The following SPSB1 variants were observed in gnomAD, a reference collection of about 807,000 sequenced individuals.
SPSB1 encodes the protein SPRY domain-containing SOCS box protein 1.
SPSB1 carries 8 observed loss-of-function variants against 21.2 expected under a neutral mutation model. The ratio of observed to expected loss-of-function variants is 0.38; its 90% CI spans 0.22 to 0.68. The LOEUF is 0.68. SPSB1 is among the 30% of genes least tolerant of loss of function. The pLI is 0.53. For synonymous variants in SPSB1, 169 were observed against 161.7 expected, an observed-to-expected ratio of 1.05 and a Z score of -0.34; for missense variants, 242 against 377.8, an observed-to-expected ratio of 0.64 and a Z score of 2.98.
intron 1 of SPSB1, among the ~76,000 whole-genome samples, chr1:9,337,826 T>C (rs1344044979): frequency 6.6e-6 from 1 of 152,176 alleles, no homozygotes; most frequent in Non-Finnish European, 1.5e-5. Context: ...GGACGCCCCA[T>C]GAAGCCAGGG....
intron 2 of SPSB1, among the ~76,000 whole-genome samples, chr1:9,362,064 C>T (rs902361680): frequency 6.6e-6 from 1 of 152,228 alleles, no homozygotes; most frequent in Non-Finnish European, 1.5e-5. Flanking sequence ...AAGGTCAGCT[C>T]GTCTCCTCAA....
At chr1:9,330,144 G>T (rs956485431) in intron 1 of SPSB1, among the ~76,000 whole-genome samples, 1 of 152,196 alleles carries the variant, frequency 6.6e-6, no homozygotes, top group Non-Finnish European at 1.5e-5. Flanking sequence ...TCATCGAGAA[G>T]AATCTGAATG....
intron 1 of SPSB1, among the ~76,000 whole-genome samples, chr1:9,351,280 A>G (rs556466469): frequency 6.6e-6 from 1 of 152,266 alleles, no homozygotes; most frequent in Non-Finnish European, 1.5e-5. Flanking sequence ...GCCCTAGCCC[A>G]GACTTCCAAG....
chr1:9,367,479 T>A lies in SPSB1; in HGVS notation c.726T>A (p.Arg242=). Residue 242 remains arginine, a synonymous_variant, in exon 3 of 3, where the codon CGT becomes CGA. Transcript: ENST00000328089. This position sits in a 1 kb window ranked among gnomAD's most constrained non-coding sequence, Gnocchi z 5.9. ...PEPLPLMDLC[R]RSVRLALGRE... ...CGCTGCCGCTCATGGATTTGTGCCG[T>A]CGCTCGGTGCGCCTGGCCCTGGGGA... 6.2e-7 allele frequency: 1 copy of A among 1,613,676 alleles called. No homozygotes were observed. Among genetic ancestry groups the A allele is most frequent in the Non-Finnish European group, 8.5e-7 (1 of 1,179,912 alleles).
intron 1 of SPSB1, among the ~76,000 whole-genome samples, chr1:9,340,590 G>A (rs551976282): frequency 5.6e-4 from 85 of 152,236 alleles, no homozygotes; most frequent in Non-Finnish European, 1.0e-3. Context: ...GAAACTCCAC[G>A]CCTGGCGGGA....
intron 1 of SPSB1, among the ~76,000 whole-genome samples, chr1:9,323,640 G>A (rs1054785819): frequency 6.6e-6 from 1 of 152,234 alleles, no homozygotes; most frequent in Middle Eastern, 3.2e-3. Context: ...TCCCTGCATG[G>A]AGATGGTCTT....
At position 9,299,259 on chromosome 1, in the gene SPSB1, C is replaced by T. The variant is rs541718402; in HGVS notation, c.-150+6188C>T. The stretch of plus-strand genomic sequence containing the variant: ...TGGTAAGGCCGGCAATGCCCCTTGG[C>T]GGTCTGGGCTGATGGGTATATCAGC... On this transcript the variant is annotated intron_variant, in intron 1 of 2. Coordinates refer to ENST00000328089, the MANE Select transcript of SPSB1 (RefSeq NM_025106.4). Among the ~76,000 whole-genome samples the T allele has an allele frequency of 2.0e-4, 31 of 152,324 alleles. 1 individual carries two copies. Among genetic ancestry groups the T allele is most frequent in the Non-Finnish European group, 8.8e-5 (6 of 68,028 alleles).
At chr1:9,349,323 G>A (rs1335911917) in intron 1 of SPSB1, among the ~76,000 whole-genome samples, 3 of 152,202 alleles carry the variant, frequency 2.0e-5, no homozygotes, top group Non-Finnish European at 2.9e-5. Context: ...CCACGTGCTC[G>A]ACTTTGATAT....
In SPSB1 at chr1:9,330,626, G is replaced by T. The variant is rs182667936; in HGVS notation, c.-149-25117G>T. ...ACGTTTGGGGGAGTATTTTGGGTTT[G>T]CCTGTCCTCTTCCTTTCCTCCCCTC... is the stretch of plus-strand genomic sequence containing the variant. On this transcript the variant is annotated intron_variant, in intron 1 of 2. Coordinates refer to ENST00000328089, the MANE Select transcript of SPSB1 (RefSeq NM_025106.4). 1.1e-4 allele frequency among the ~76,000 whole-genome samples: 17 copies of T among 152,008 alleles called. No homozygotes were observed. The East Asian group carries it at 3.3e-3, about 29-fold the overall frequency.
chr1:9,316,374 G>A (rs868207714), intron 1 of SPSB1, among the ~76,000 whole-genome samples: 1 of 152,182 alleles, frequency 6.6e-6, no homozygotes, highest in Non-Finnish European at 1.5e-5. Flanking sequence ...CACAAGGGAG[G>A]GGCATGTGTG....
intron 1 of SPSB1, among the ~76,000 whole-genome samples, chr1:9,338,333 C>T (rs560860011): frequency 9.1e-4 from 138 of 152,280 alleles, no homozygotes; most frequent in African/African-American, 2.7e-3. Context: ...GGAGGAGGTT[C>T]GTGACTGTAT....
chr1:9,302,448 G>A (rs558095660), intron 1 of SPSB1, among the ~76,000 whole-genome samples: 8 of 152,198 alleles, frequency 5.3e-5, no homozygotes, highest in Non-Finnish European at 1.0e-4. Context: ...ACTCAACTGG[G>A]TGGGGAGGAT....
At chr1:9,347,585 A>G in intron 1 of SPSB1, among the ~76,000 whole-genome samples, 1 of 152,204 alleles carries the variant, frequency 6.6e-6, no homozygotes, top group East Asian at 1.9e-4. Context: ...CGGCATCATG[A>G]TCTGCATATT....
chr1:9,351,186 G>A (rs546620077), intron 1 of SPSB1, among the ~76,000 whole-genome samples: 7 of 152,308 alleles, frequency 4.6e-5, no homozygotes, highest in South Asian at 2.1e-4. Flanking sequence ...CATATTGTCC[G>A]GAGAGCCTTA....
intron 2 of SPSB1, among the ~76,000 whole-genome samples, chr1:9,359,846 C>CGGG (rs1220143426): frequency 5.3e-5 from 2 of 37,458 alleles, no homozygotes; most frequent in African/African-American, 7.0e-5. Flanking sequence ...AGGATGGAAG[C>CGGG]CGGGGGGGTG....
In SPSB1 at chr1:9,292,932, C is replaced by G; in HGVS notation, c.-289C>G. ...GCTCGGGCAGCCTGCGCGCTCGCAG[C>G]AGGAACCAGGCTCCAGGCGCCGGCG... On this transcript the variant is annotated 5_prime_UTR_variant, in exon 1 of 3. Transcript: ENST00000328089. 9.5e-6 allele frequency: 9 copies of G among 952,100 alleles called. No individual in the cohort carries two copies. Among genetic ancestry groups the G allele is most frequent in the Non-Finnish European group, 1.1e-5 (9 of 819,010 alleles). 59.0% of individuals were successfully genotyped at this position (952,100 alleles called of 1,614,324 possible). A position where few individuals can be genotyped will look rare whatever the true frequency, so the allele number is the denominator to read the frequency against.
At chr1:9,332,497 T>A (rs1258148630) in intron 1 of SPSB1, among the ~76,000 whole-genome samples, 3 of 151,910 alleles carry the variant, frequency 2.0e-5, no homozygotes, top group African/African-American at 7.3e-5. Flanking sequence ...GATGTATGAG[T>A]GGGAGCAGGG....
intron 2 of SPSB1, among the ~76,000 whole-genome samples, chr1:9,359,848 G>GT (rs952460059): frequency 5.5e-5 from 2 of 36,302 alleles, no homozygotes; most frequent in Non-Finnish European, 1.4e-4. Context: ...GATGGAAGCC[G>GT]GGGGGGTGGG....
At position 9,356,263 on chromosome 1, in the gene SPSB1, G is replaced by A; in HGVS notation, c.372G>A (p.Leu124=). Residue 124 remains leucine (L), a synonymous_variant, in exon 2 of 3, where the codon CTG becomes CTA. Coordinates refer to ENST00000328089, the MANE Select transcript of SPSB1 (RefSeq NM_025106.4). This position sits in a 1 kb window ranked among gnomAD's most constrained non-coding sequence, Gnocchi z 7.4. ...GGGTGGCGACGGCAGACGCCCCCCT[G>A]CACTCTGTCGGGTACACAACCCTCG... ...VVGVATADAP[L]HSVGYTTLVG... is the part of the protein sequence containing the mutation. The A allele has an allele frequency of 6.2e-7, 1 of 1,612,534 alleles. No individual in the cohort carries two copies. Among genetic ancestry groups the A allele is most frequent in the East Asian group, 2.2e-5 (1 of 44,882 alleles).
Sources: gnomAD v4.1 joint callset for allele counts (sites outside exome capture counted in the v4.1 genomes callset) on GRCh38, gnomAD v4.1.1 for gene constraint, Gnocchi (gnomAD v3.1) non-coding constraint, MANE v1.5 for transcripts, NCBI Gene and HGNC (gene_info 2026-07-23, HGNC 2026-07-21) for gene names.